The following CLEC16A variants were observed in gnomAD, a reference collection of about 807,000 sequenced individuals.
CLEC16A encodes the protein protein CLEC16A.
In CLEC16A, 51 loss-of-function variants were observed where a neutral mutation model predicts 109.5. The ratio of observed to expected loss-of-function variants is 0.47; its 90% CI spans 0.37 to 0.59. The LOEUF is 0.59. Among genes scored for constraint, CLEC16A ranks in the 20% least tolerant of loss-of-function variants. The pLI is 0.00. For synonymous variants in CLEC16A, 673 were observed against 564.2 expected, an observed-to-expected ratio of 1.19 and a Z score of -2.73; for missense variants, 1,339 against 1,394.0, an observed-to-expected ratio of 0.96 and a Z score of 0.63.
Position 10,977,219 on chromosome 16 carries a change from T to C in CLEC16A, c.729-6T>C. ...TCCAGGCTGAGGTGGTCATTTCTCC[T>C]GGCAGGCATCGGAATCGGGGTAAAC... On this transcript the variant is annotated splice_polypyrimidine_tract_variant and splice_region_variant and intron_variant, in intron 7 of 23. Coordinates refer to ENST00000409790, the MANE Select transcript of CLEC16A (RefSeq NM_015226.3). The C allele has an allele frequency of 6.2e-7, 1 of 1,612,702 alleles. No homozygotes were observed. The highest frequency in any genetic ancestry group is 8.5e-7 in the Non-Finnish European group (1 of 1,179,264).
rs1176817883 is a variant in CLEC16A, at chr16:11,126,088, G to A, written c.2583G>A (p.Arg861=). 2 of 1,613,888 alleles carry A rather than the reference G, an allele frequency of 1.2e-6. No individual in the cohort carries two copies. Among genetic ancestry groups the A allele is most frequent in the East Asian group, 2.2e-5 (1 of 44,860 alleles). ...LPFRFYDQGR[R]GSSDPTVQRS... ...TCCGCTTCTACGACCAGGGGCGCCG[G>A]GGCAGCAGCGACCCCACAGTGCAGC... is the stretch of plus-strand genomic sequence containing the variant. The change falls in exon 22 of 24, where the codon CGG becomes CGA. Residue 861 remains arginine, a synonymous_variant. Coordinates refer to ENST00000409790, the MANE Select transcript of CLEC16A (RefSeq NM_015226.3).
chr16:11,039,063 G>T (rs543343094), intron 13 of CLEC16A, among the ~76,000 whole-genome samples: 1 of 152,060 alleles, frequency 6.6e-6, no homozygotes, highest in Non-Finnish European at 1.5e-5. Context: ...TTCCTCAAGC[G>T]TAGAAGGTGC....
intron 19 of CLEC16A, among the ~76,000 whole-genome samples, chr16:11,104,833 A>G (rs139198898): frequency 8.1e-4 from 124 of 152,312 alleles, no homozygotes; most frequent in African/African-American, 2.8e-3. Context: ...CAGTAGCCCC[A>G]TAGCCCTAGG....
chr16:10,971,085 A>C (rs2042764966), intron 4 of CLEC16A, 40 bp from the exon 5 acceptor site: 2 of 1,361,788 alleles, frequency 1.5e-6, no homozygotes, highest in African/African-American at 2.9e-5. Context: ...GGCCTGGCTT[A>C]TGGGCTTATA....
intron 3 of CLEC16A, among the ~76,000 whole-genome samples, chr16:10,963,001 G>A (rs959856659): frequency 2.0e-5 from 3 of 152,040 alleles, no homozygotes; most frequent in African/African-American, 7.3e-5. Flanking sequence ...AGGTTGCAGT[G>A]AGCCGTGATT....
chr16:10,947,893 C>G (rs1479137615), intron 1 of CLEC16A, among the ~76,000 whole-genome samples: 1 of 148,712 alleles, frequency 6.7e-6, no homozygotes, highest in African/African-American at 2.5e-5. Context: ...ATCTGGAAAC[C>G]CTCTTCTTTT....
chr16:11,166,874 C>T (rs1567413252), intron 23 of CLEC16A, among the ~76,000 whole-genome samples: 1 of 152,188 alleles, frequency 6.6e-6, no homozygotes, highest in Non-Finnish European at 1.5e-5. Context: ...TTAGGTGTCA[C>T]AAGGAGGGGT....
chr16:11,149,123 G>A (rs971997012), intron 22 of CLEC16A, among the ~76,000 whole-genome samples: 4 of 152,232 alleles, frequency 2.6e-5, no homozygotes, highest in Non-Finnish European at 2.9e-5. Flanking sequence ...GGCCAGGGGA[G>A]GGGCCAGGCT....
chr16:11,144,793 G>A (rs574281294), intron 22 of CLEC16A, among the ~76,000 whole-genome samples: 10 of 152,292 alleles, frequency 6.6e-5, no homozygotes, highest in African/African-American at 2.4e-4. Flanking sequence ...AGGGATTCTG[G>A]GTATAGGAGT....
At chr16:11,011,645 C>T (rs142993349) in intron 11 of CLEC16A, among the ~76,000 whole-genome samples, 3 of 152,264 alleles carry the variant, frequency 2.0e-5, no homozygotes, top group Non-Finnish European at 2.9e-5. Flanking sequence ...ATGTGCTCAT[C>T]GCTACTGAGG....
chr16:11,171,421 G>A (rs572518138), intron 23 of CLEC16A, among the ~76,000 whole-genome samples: 4 of 152,312 alleles, frequency 2.6e-5, no homozygotes, highest in Admixed American at 2.0e-4. Flanking sequence ...GTGCCCCAGG[G>A]CACTTTAATG....
At chr16:11,157,569 CT>C (rs1311739093) in intron 22 of CLEC16A, among the ~76,000 whole-genome samples, 1 of 152,244 alleles carries the variant, frequency 6.6e-6, no homozygotes, top group African/African-American at 2.4e-5. Flanking sequence ...GAGGAAACTT[CT>C]GGGGCCCCCC....
chr16:11,085,091 A>T (rs1258536480), intron 19 of CLEC16A, among the ~76,000 whole-genome samples: 1 of 152,230 alleles, frequency 6.6e-6, no homozygotes, highest in Non-Finnish European at 1.5e-5. Context: ...CCTCTTCCCC[A>T]GGAGCCTGTC....
rs201115033 is a variant in CLEC16A at position 11,120,658 on chromosome 16, C to T, written c.2160C>T (p.Gly720=). 11 of 1,612,856 alleles carry T rather than the reference C, an allele frequency of 6.8e-6. No homozygotes were observed. Among genetic ancestry groups the T allele is most frequent in the African/African-American group, 4.0e-5 (3 of 75,000 alleles). ...CATGTACAGTGATCACCAAGGATGGCGGCATGGTCCAGCGATTCCTGGCTG... is the reference window on the plus strand; with the variant it reads ...CATGTACAGTGATCACCAAGGATGGTGGCATGGTCCAGCGATTCCTGGCTG... ...LIACTVITKD[G]GMVQRFLAVD... Residue 720 remains glycine (G), a synonymous_variant, in exon 20 of 24, where the codon GGC becomes GGT. Transcript: ENST00000409790.
At chr16:11,124,892 G>C (rs138330732) in intron 21 of CLEC16A, among the ~76,000 whole-genome samples, 2 of 152,300 alleles carry the variant, frequency 1.3e-5, no homozygotes, top group Non-Finnish European at 2.9e-5. Flanking sequence ...TTCGAGGCCA[G>C]CCTGGGAAAC....
intron 18 of CLEC16A, among the ~76,000 whole-genome samples, chr16:11,055,993 G>T (rs1167852651): frequency 6.6e-6 from 1 of 152,136 alleles, no homozygotes; most frequent in Non-Finnish European, 1.5e-5. Context: ...CAAGAATGAT[G>T]AGCAAATAAT....
At chr16:10,948,626 C>G (rs2041556699) in intron 1 of CLEC16A, among the ~76,000 whole-genome samples, 1 of 152,214 alleles carries the variant, frequency 6.6e-6, no homozygotes, top group Admixed American at 6.5e-5. Context: ...GGCCTTCATT[C>G]TGGTCCACTT....
intron 7 of CLEC16A, among the ~76,000 whole-genome samples, chr16:10,974,256 G>T (rs1182962608): frequency 1.3e-5 from 2 of 151,984 alleles, no homozygotes; most frequent in African/African-American, 2.4e-5. Context: ...TGTGATCATG[G>T]TCAGGCAACT....
At chr16:10,955,834 C>G (rs977838950) in intron 1 of CLEC16A, among the ~76,000 whole-genome samples, 1 of 152,170 alleles carries the variant, frequency 6.6e-6, no homozygotes, top group African/African-American at 2.4e-5. Flanking sequence ...GAGAGTGTCA[C>G]TGATGGCCAC....
Sources: allele counts gnomAD v4.1 joint callset (sites outside exome capture counted in the v4.1 genomes callset), GRCh38; gene constraint gnomAD v4.1.1; transcripts MANE v1.5; gene names NCBI Gene and HGNC (gene_info 2026-07-23, HGNC 2026-07-21).